The following BCAS3 variants were observed in gnomAD, a reference collection of about 807,000 sequenced individuals.
BCAS3 encodes BCAS4/BCAS3 fusion.
Under a neutral mutation model 116.1 loss-of-function variants are expected in BCAS3, and 53 were observed. The ratio of observed to expected loss-of-function variants is 0.46; its 90% confidence interval spans 0.37 to 0.57. BCAS3 has a LOEUF of 0.57. BCAS3 is among the 20% of genes least tolerant of loss of function. BCAS3 has a pLI of 0.00. For synonymous variants in BCAS3, 391 were observed against 408.2 expected (o/e 0.96, Z 0.51); for missense variants, 917 against 1,165.4 (o/e 0.79, Z 3.10).
intron 5 of BCAS3, among the ~76,000 whole-genome samples, chr17:60,743,013 T>A (rs1286078063): frequency 1.3e-5 from 2 of 149,902 alleles, no homozygotes; most frequent in Non-Finnish European, 3.0e-5. Flanking sequence ...CTTGGGAGGC[T>A]GAGGCAGGAG....
At chr17:61,070,172 A>T (rs2071211627) in intron 19 of BCAS3, 1 of 1,563,320 alleles carries the variant, frequency 6.4e-7, no homozygotes, top group South Asian at 1.1e-5. Context: ...TTCCTTGTGG[A>T]TGTTAAAGCC....
chr17:60,985,195 G>T (rs1393309973), intron 14 of BCAS3, among the ~76,000 whole-genome samples: 5 of 148,592 alleles, frequency 3.4e-5, no homozygotes, highest in Non-Finnish European at 7.4e-5. Context: ...GCCCAGGTGG[G>T]AGTGCAGTGG....
At chr17:60,867,165 A>G (rs989726061) in intron 7 of BCAS3, among the ~76,000 whole-genome samples, 111 of 150,072 alleles carry the variant, frequency 7.4e-4, no homozygotes, top group Non-Finnish European at 1.6e-4. Context: ...GGAGTGCAGT[A>G]GCACAATCTT....
chr17:60,810,802 C>A, intron 7 of BCAS3: 1 of 672,056 alleles, frequency 1.5e-6, no homozygotes, highest in Non-Finnish European at 2.8e-6. Flanking sequence ...GCTGCTCTTC[C>A]TGAAGAAAAA....
At chr17:61,172,554 G>A (rs1301372429) in intron 22 of BCAS3, among the ~76,000 whole-genome samples, 3 of 152,190 alleles carry the variant, frequency 2.0e-5, no homozygotes, top group African/African-American at 4.8e-5. Flanking sequence ...GGAGAAGGGC[G>A]TGAACCCAGG....
At position 60,964,358 on chromosome 17, in the gene BCAS3, A is replaced by G. The variant is rs762745384; in HGVS notation, c.1221+17006A>G. ...ATGTTTATTGAGTTGCTTATGTTGA[A>G]CCATCCTTGCATCCCTGGAATGAAT... On this transcript the variant is annotated intron_variant, in intron 14 of 23. Transcript: ENST00000407086. The surrounding 1 kb of genome is among the most constrained non-coding windows in gnomAD (Gnocchi z 4.6). 6.6e-6 allele frequency among the ~76,000 whole-genome samples: 1 copy of G among 152,106 alleles called. No individual in the cohort carries two copies. The highest frequency in any genetic ancestry group is 1.5e-5 in the Non-Finnish European group (1 of 68,022).
intron 5 of BCAS3, among the ~76,000 whole-genome samples, chr17:60,736,688 A>G (rs2041002819): frequency 6.6e-6 from 1 of 152,086 alleles, no homozygotes; most frequent in Non-Finnish European, 1.5e-5. Context: ...TACTGAGTCA[A>G]TTTCTTTAAT....
intron 7 of BCAS3, among the ~76,000 whole-genome samples, chr17:60,863,445 T>C (rs888911126): frequency 1.3e-5 from 2 of 152,188 alleles, no homozygotes; most frequent in African/African-American, 4.8e-5. Flanking sequence ...GGTTTCCCAG[T>C]GCATATAAAA....
At chr17:60,963,141 C>A (rs916302573) in intron 14 of BCAS3, among the ~76,000 whole-genome samples, 4 of 152,110 alleles carry the variant, frequency 2.6e-5, no homozygotes, top group African/African-American at 9.7e-5. Context: ...TTATTATATA[C>A]CTGTAGTAAA....
intron 22 of BCAS3, among the ~76,000 whole-genome samples, chr17:61,230,240 AC>A (rs1173219369): frequency 6.6e-6 from 1 of 152,100 alleles, no homozygotes; most frequent in East Asian, 1.9e-4. Context: ...CTGCCAAATT[AC>A]TTTTTTCATA....
At chr17:60,959,321 T>C (rs2061303697) in intron 14 of BCAS3, among the ~76,000 whole-genome samples, 1 of 151,998 alleles carries the variant, frequency 6.6e-6, no homozygotes, top group African/African-American at 2.4e-5. Context: ...AAAAAATTTT[T>C]TTTTTGGTTT....
In BCAS3 at chr17:61,387,956, T is replaced by C. The variant is rs2059939148; in HGVS notation, c.2594-4021T>C. On this transcript the variant is annotated intron_variant, in intron 23 of 23. Coordinates refer to ENST00000407086, the MANE Select transcript of BCAS3 (RefSeq NM_017679.5). The surrounding 1 kb of genome is among the most constrained non-coding windows in gnomAD (Gnocchi z 6.2). ...CCACTCCTCCTCTCCTGCCCTACTT[T>C]GGGGCCTGGAGAACAAGCTCTTTTA... Among the ~76,000 whole-genome samples, 1 of 152,188 alleles carries C rather than the reference T, an allele frequency of 6.6e-6. No individual in the cohort carries two copies. Among genetic ancestry groups the C allele is most frequent in the African/African-American group, 2.4e-5 (1 of 41,442 alleles).
rs574587845 is a variant in BCAS3 at position 61,343,598 on chromosome 17, G to A, written c.2426-24729G>A. On this transcript the variant is annotated intron_variant, in intron 22 of 23. Transcript: ENST00000407086. This position sits in a 1 kb window ranked among gnomAD's most constrained non-coding sequence, Gnocchi z 5.5. ...TTGGAGAAGTACTGGTTGAGGAAGC[G>A]TATGCAGAGGTTTGAGCCAAACAAC... is the stretch of plus-strand genomic sequence containing the variant. Among the ~76,000 whole-genome samples the A allele has an allele frequency of 5.3e-5, 8 of 152,188 alleles. No homozygotes were observed. Among genetic ancestry groups the A allele is most frequent in the Admixed American group, 2.0e-4 (3 of 15,280 alleles).
chr17:61,045,877 ATATATAT>A lies in BCAS3; in HGVS notation c.2029+4993_2029+4999del, dbSNP rs1173717042. 3.2e-4 allele frequency among the ~76,000 whole-genome samples: 15 copies of A among 46,500 alleles called. 2 individuals carry two copies. The highest frequency in any genetic ancestry group is 1.6e-3 in the African/African-American group (7 of 4,310). 30.5% of individuals were successfully genotyped at this position (46,500 alleles called of 152,430 possible). On this transcript the variant is annotated intron_variant, in intron 19 of 23. Coordinates refer to ENST00000407086, the MANE Select transcript of BCAS3 (RefSeq NM_017679.5). Reference sequence around the variant, plus strand: ...TATATATATATATAAATATATATAAATATATATTATATATATAATATATATAAATATA... The same window carrying A: ...TATATATATATATAAATATATATAAATATATATATAATATATATAAATATA...
chr17:60,975,205 G>T (rs973889830), intron 14 of BCAS3, among the ~76,000 whole-genome samples: 6 of 151,626 alleles, frequency 4.0e-5, no homozygotes, highest in Non-Finnish European at 2.9e-5. Flanking sequence ...GTTTCACCTT[G>T]TTAGCCAGGA....
At chr17:61,109,831 T>C (rs2074938805) in intron 22 of BCAS3, among the ~76,000 whole-genome samples, 1 of 152,256 alleles carries the variant, frequency 6.6e-6, no homozygotes, top group African/African-American at 2.4e-5. Context: ...TTGTAGATTC[T>C]GGAAATTAGT....
At chr17:60,963,846 C>G (rs1351242378) in intron 14 of BCAS3, among the ~76,000 whole-genome samples, 1 of 152,204 alleles carries the variant, frequency 6.6e-6, no homozygotes, top group Non-Finnish European at 1.5e-5. Context: ...TGAGCCACCA[C>G]ACCCGGCCAA....
At position 61,315,504 on chromosome 17, in the gene BCAS3, C is replaced by T. The variant is rs1000858671; in HGVS notation, c.2426-52823C>T. On this transcript the variant is annotated intron_variant, in intron 22 of 23. Transcript: ENST00000407086. This position sits in a 1 kb window ranked among gnomAD's most constrained non-coding sequence, Gnocchi z 5.3. ...CTGGCAGCGGTGCCATTGCTTTCGC[C>T]TCAGGCTTCCTAGAGCAAAGAAGCC... 6.6e-6 allele frequency among the ~76,000 whole-genome samples: 1 copy of T among 152,218 alleles called. No homozygotes were observed. Among genetic ancestry groups the T allele is most frequent in the Non-Finnish European group, 1.5e-5 (1 of 68,042 alleles).
chr17:60,825,403 G>A (rs2050297404), intron 7 of BCAS3, among the ~76,000 whole-genome samples: 1 of 150,906 alleles, frequency 6.6e-6, no homozygotes, highest in Non-Finnish European at 1.5e-5. Flanking sequence ...CGAATCTCAT[G>A]TGTGGCTTTA....
Sources: allele counts gnomAD v4.1 joint callset (sites outside exome capture counted in the v4.1 genomes callset), GRCh38; gene constraint gnomAD v4.1.1; non-coding constraint Gnocchi (gnomAD v3.1); transcripts MANE v1.5; gene names NCBI Gene and HGNC (gene_info 2026-07-23, HGNC 2026-07-21).